The following CADPS2 variants were observed in gnomAD, a reference collection of about 807,000 sequenced individuals.
CADPS2 encodes calcium-dependent secretion activator 2.
In CADPS2, 93 loss-of-function variants were observed where a neutral mutation model predicts 172.5. That is an observed-to-expected ratio of 0.54 (90% CI 0.46 to 0.64). The LOEUF (loss-of-function observed/expected upper bound fraction) is 0.64. CADPS2 is among the 30% of genes least tolerant of loss of function. The pLI is 0.00. For synonymous variants in CADPS2, 546 were observed against 555.2 expected (o/e 0.98, Z 0.23); for missense variants, 1,420 against 1,565.9 (o/e 0.91, Z 1.57).
intron 17 of CADPS2, among the ~76,000 whole-genome samples, chr7:122,419,785 AATTT>A (rs1050455516): frequency 1.3e-5 from 2 of 149,770 alleles, no homozygotes; most frequent in Non-Finnish European, 2.9e-5. Flanking sequence ...AAGGAAATAA[AATTT>A]ATTTATGTAT....
At chr7:122,333,769 G>C (rs1360751866) in intron 28 of CADPS2, among the ~76,000 whole-genome samples, 1 of 152,126 alleles carries the variant, frequency 6.6e-6, no homozygotes, top group Non-Finnish European at 1.5e-5. Context: ...GTATACACAA[G>C]GCTTTAACTG....
At chr7:122,692,496 CT>C (rs2084511213) in intron 2 of CADPS2, among the ~76,000 whole-genome samples, 1 of 152,206 alleles carries the variant, frequency 6.6e-6, no homozygotes, top group South Asian at 2.1e-4. Flanking sequence ...GCTTCAGTAC[CT>C]TCTCCACACT....
At chr7:122,693,342 G>A (rs2084645266) in intron 2 of CADPS2, among the ~76,000 whole-genome samples, 1 of 152,094 alleles carries the variant, frequency 6.6e-6, no homozygotes, top group African/African-American at 2.4e-5. Context: ...CTCTCTATGA[G>A]GAATAGAAAT....
At chr7:122,783,466 T>C (rs193190011) in intron 1 of CADPS2, among the ~76,000 whole-genome samples, 1 of 152,276 alleles carries the variant, frequency 6.6e-6, no homozygotes, top group African/African-American at 2.4e-5. Flanking sequence ...GTGGTAGCAC[T>C]CCTCTCACAG....
chr7:122,740,336 C>T (rs1049337232), intron 1 of CADPS2, among the ~76,000 whole-genome samples: 10 of 152,022 alleles, frequency 6.6e-5, no homozygotes, highest in Non-Finnish European at 1.2e-4. Flanking sequence ...TGGATAAACT[C>T]GGGTACGTCC....
chr7:122,443,197 G>C (rs950065568), intron 15 of CADPS2, among the ~76,000 whole-genome samples: 17 of 152,058 alleles, frequency 1.1e-4, no homozygotes, highest in Admixed American at 4.6e-4. Flanking sequence ...GGTCCCACTG[G>C]GTATGTTCTA....
At chr7:122,681,269 A>C (rs1003105080) in intron 2 of CADPS2, 8 of 820,894 alleles carry the variant, frequency 9.7e-6, no homozygotes, top group East Asian at 7.3e-5. Context: ...CCTAAAACTT[A>C]AAGTATAATA....
intron 9 of CADPS2, among the ~76,000 whole-genome samples, chr7:122,511,315 A>G (rs956194661): frequency 6.6e-6 from 1 of 152,128 alleles, no homozygotes; most frequent in Non-Finnish European, 1.5e-5. Flanking sequence ...TAATCAAAGT[A>G]TACATATTTG....
intron 3 of CADPS2, among the ~76,000 whole-genome samples, chr7:122,659,381 T>C (rs1038559615): frequency 4.0e-5 from 6 of 148,366 alleles, no homozygotes; most frequent in African/African-American, 1.2e-4. Flanking sequence ...GGATTTGACA[T>C]TGCTGAGGAA....
intron 2 of CADPS2, among the ~76,000 whole-genome samples, chr7:122,704,962 T>C (rs1452571924): frequency 6.6e-6 from 1 of 151,938 alleles, no homozygotes; most frequent in Non-Finnish European, 1.5e-5. Context: ...ATATCAATAG[T>C]AAGGTTAAGA....
intron 18 of CADPS2, among the ~76,000 whole-genome samples, 154 bp from the exon 19 acceptor site, chr7:122,414,230 C>T (rs897591013): frequency 6.6e-6 from 1 of 152,016 alleles, no homozygotes; most frequent in Non-Finnish European, 1.5e-5. Flanking sequence ...TTAATAAAGT[C>T]AACTTTATTT....
intron 2 of CADPS2, among the ~76,000 whole-genome samples, chr7:122,734,917 T>C (rs981162657): frequency 6.6e-6 from 1 of 152,040 alleles, no homozygotes; most frequent in African/African-American, 2.4e-5. Context: ...AACAGAAGTA[T>C]AGAAAAACCC....
At chr7:122,674,042 C>T (rs906291822) in intron 2 of CADPS2, among the ~76,000 whole-genome samples, 30 of 152,126 alleles carry the variant, frequency 2.0e-4, no homozygotes, top group African/African-American at 4.6e-4. Flanking sequence ...CTGGGGGATC[C>T]GGCACACCCT....
intron 28 of CADPS2, among the ~76,000 whole-genome samples, chr7:122,337,456 C>A (rs1444131444): frequency 6.6e-6 from 1 of 152,120 alleles, no homozygotes; most frequent in Non-Finnish European, 1.5e-5. Flanking sequence ...AGAAATAAGA[C>A]CAACAAGCTA....
chr7:122,833,467 C>T (rs1807259062), intron 1 of CADPS2, among the ~76,000 whole-genome samples: 1 of 152,158 alleles, frequency 6.6e-6, no homozygotes, highest in Non-Finnish European at 1.5e-5. Flanking sequence ...TCTCTTGCCT[C>T]AGCCCTCAGC....
chr7:122,837,663 A>G (rs1052650791), intron 1 of CADPS2, among the ~76,000 whole-genome samples: 1 of 152,242 alleles, frequency 6.6e-6, no homozygotes, highest in African/African-American at 2.4e-5. Flanking sequence ...CTATGCAAAT[A>G]AACTAGAAAA....
At chr7:122,651,082 T>C (rs1054199603) in intron 3 of CADPS2, among the ~76,000 whole-genome samples, 3 of 152,232 alleles carry the variant, frequency 2.0e-5, no homozygotes, top group South Asian at 2.1e-4. Context: ...GAGAAAAATA[T>C]ACTCCTCCCT....
At chr7:122,756,832 A>AGAGGTTGCAGTGAGCC (rs2093180369) in intron 1 of CADPS2, among the ~76,000 whole-genome samples, 2 of 151,530 alleles carry the variant, frequency 1.3e-5, no homozygotes, top group South Asian at 4.2e-4. Flanking sequence ...CCTGGGAGGC[A>AGAGGTTGCAGTGAGCC]GAGGTTGCAG....
At chr7:122,507,091 A>G (rs1321465648) in intron 9 of CADPS2, among the ~76,000 whole-genome samples, 1 of 152,174 alleles carries the variant, frequency 6.6e-6, no homozygotes, top group Non-Finnish European at 1.5e-5. Flanking sequence ...TAATAATAAT[A>G]AACATATAAA....
Sources: gnomAD v4.1 joint callset for allele counts (sites outside exome capture counted in the v4.1 genomes callset) on GRCh38, gnomAD v4.1.1 for gene constraint, MANE v1.5 for transcripts, NCBI Gene and HGNC (gene_info 2026-07-23, HGNC 2026-07-21) for gene names.